CCDC126: variants seen among roughly 807,000 people sequenced by gnomAD.
CCDC126 encodes the protein coiled-coil domain-containing protein 126.
In CCDC126, 5 loss-of-function variants were observed where a neutral mutation model predicts 11.7. The observed-to-expected ratio is 0.43, with a 90% confidence interval of 0.22 to 0.90. The LOEUF is 0.90. CCDC126 is among the 40% of genes least tolerant of loss of function. CCDC126 has a pLI of 0.27. For synonymous variants in CCDC126, 60 were observed against 61.9 expected, an observed-to-expected ratio of 0.97 and a Z score of 0.14; for missense variants, 150 against 163.1, an observed-to-expected ratio of 0.92 and a Z score of 0.44.
intron 3 of CCDC126, among the ~76,000 whole-genome samples, chr7:23,618,904 C>T (rs183977817): frequency 6.6e-5 from 10 of 152,122 alleles, no homozygotes; most frequent in South Asian, 2.1e-4. Context: ...TTGAGATGAT[C>T]TCTAATATCA....
At chr7:23,598,227 G>A (rs1157509249) in intron 2 of CCDC126, 176 bp downstream of exon 2, 1 of 152,200 alleles carries the variant, frequency 6.6e-6, no homozygotes, top group African/African-American at 2.4e-5. Flanking sequence ...ACACCTGTAA[G>A]TGGTTAGAAT....
At chr7:23,611,711 A>G (rs988370514) in intron 3 of CCDC126, among the ~76,000 whole-genome samples, 158 bp downstream of exon 3, 1 of 152,252 alleles carries the variant, frequency 6.6e-6, no homozygotes, top group African/African-American at 2.4e-5. Context: ...TAGAGATACT[A>G]TGATAAATAC....
At chr7:23,641,603 G>T (rs1207918053) in intron 3 of CCDC126, among the ~76,000 whole-genome samples, 5 of 152,104 alleles carry the variant, frequency 3.3e-5, no homozygotes, top group Non-Finnish European at 7.4e-5. Context: ...TTTCTCTCCT[G>T]GTGATCCCGG....
intron 3 of CCDC126, 101 bp downstream of exon 3, chr7:23,611,654 AT>A (rs893689777): frequency 1.3e-6 from 1 of 779,294 alleles, no homozygotes; most frequent in African/African-American, 1.7e-5. Context: ...TTGCAAAGTA[AT>A]TTTTTCTTGA....
rs1783428054 is a variant in CCDC126, at chr7:23,644,633, C to G, written c.*1518C>G. ...TAGAAGTTTGGAATAATTGTTTAGT[C>G]TCTCCTATTAGATGTGGACATTTTT... On this transcript the variant is annotated 3_prime_UTR_variant, in exon 4 of 4. Coordinates refer to ENST00000307471, the MANE Select transcript of CCDC126 (RefSeq NM_138771.4). The G allele has an allele frequency of 1.3e-5, 2 of 152,446 alleles. No homozygotes were observed. The highest frequency in any genetic ancestry group is 4.8e-5 in the African/African-American group (2 of 41,418). The allele number at this position is 152,446 out of a possible 1,614,324, so 9.4% of individuals were successfully genotyped here.
rs532349114 is a variant in CCDC126 at position 23,643,244 on chromosome 7, T to C, written c.*129T>C. 1.2e-6 allele frequency: 1 copy of C among 808,288 alleles called. No individual in the cohort carries two copies. The highest frequency in any genetic ancestry group is 3.2e-5 in the Admixed American group (1 of 31,380). 50.1% of individuals were successfully genotyped at this position (808,288 alleles called of 1,614,324 possible). A position where few individuals can be genotyped will look rare whatever the true frequency, so the allele number is the denominator to read the frequency against. ...AAGCTCTACACATTTTCAAGGAGTATGCTGGATTCATGGAACTCTAATTCT... is the reference window on the plus strand; with the variant it reads ...AAGCTCTACACATTTTCAAGGAGTACGCTGGATTCATGGAACTCTAATTCT... On this transcript the variant is annotated 3_prime_UTR_variant, in exon 4 of 4. Transcript: ENST00000307471.
At chr7:23,608,461 GA>G (rs766771002) in intron 2 of CCDC126, among the ~76,000 whole-genome samples, 11 of 152,112 alleles carry the variant, frequency 7.2e-5, no homozygotes, top group Non-Finnish European at 1.5e-4. Flanking sequence ...AAAACACTAT[GA>G]TTTTTTTTGT....
chr7:23,621,554 A>T (rs1474683925), intron 3 of CCDC126, among the ~76,000 whole-genome samples: 1 of 152,110 alleles, frequency 6.6e-6, no homozygotes, highest in Non-Finnish European at 1.5e-5. Flanking sequence ...CTCTTTTCCT[A>T]ATTGAATACT....
At chr7:23,621,949 T>G (rs1782909536) in intron 3 of CCDC126, among the ~76,000 whole-genome samples, 1 of 152,238 alleles carries the variant, frequency 6.6e-6, no homozygotes, top group Non-Finnish European at 1.5e-5. Context: ...TCAAGGTGGA[T>G]AAGCTTTTTG....
At chr7:23,637,132 T>A (rs1385099585) in intron 3 of CCDC126, among the ~76,000 whole-genome samples, 1 of 65,982 alleles carries the variant, frequency 1.5e-5, no homozygotes, top group African/African-American at 6.6e-5. Context: ...GAGGGGCGCC[T>A]CTGCCCGGCC....
chr7:23,611,086 A>G lies in CCDC126; in HGVS notation c.-145-85A>G, dbSNP rs548908467. 3.1e-5 allele frequency: 10 copies of G among 323,526 alleles called. No individual in the cohort carries two copies. In the East Asian group the frequency reaches 3.8e-4, roughly 12 times the overall value. 20.0% of individuals were successfully genotyped at this position (323,526 alleles called of 1,614,324 possible). On this transcript the variant is annotated intron_variant, in intron 2 of 3. Coordinates refer to ENST00000307471, the MANE Select transcript of CCDC126 (RefSeq NM_138771.4). ...AATATATGACACAGTTCCAAATAAA[A>G]ATTATAGAATATTTTCTTTATAGTC...
rs183294313 is a variant in CCDC126, at chr7:23,626,352, C to T, written c.238+14799C>T. On this transcript the variant is annotated intron_variant, in intron 3 of 3. Coordinates refer to ENST00000307471, the MANE Select transcript of CCDC126 (RefSeq NM_138771.4). ...TACAATAACTTAAACATTTAGCCAT[C>T]TATAGAAACCATTTATCCATAGCCT... Among the ~76,000 whole-genome samples, 3 of 152,214 alleles carry T rather than the reference C, an allele frequency of 2.0e-5. No homozygotes were observed. In the East Asian group the frequency reaches 5.8e-4, roughly 29 times the overall value.
intron 3 of CCDC126, among the ~76,000 whole-genome samples, chr7:23,634,754 G>GTGGGGTCTC (rs985885572): frequency 1.3e-5 from 2 of 152,128 alleles, no homozygotes; most frequent in African/African-American, 4.8e-5. Context: ...TCTTCTTCAG[G>GTGGGGTCTC]TGGGGTCTCT....
rs745731281 is a variant in CCDC126, at chr7:23,643,091, G to A, written c.399G>A (p.Thr133=). The change falls in exon 4 of 4, where the codon ACG becomes ACA. Residue 133 remains threonine (T), a synonymous_variant. Transcript: ENST00000307471. The part of the protein sequence containing the change: ...NLVPVTTNKR[T]NVSGSIR Reference sequence around the variant, plus strand: ...TGCCAGTAACCACAAATAAAAGAACGAATGTCTCGGGCAGTATCAGATAGC... The same window carrying A: ...TGCCAGTAACCACAAATAAAAGAACAAATGTCTCGGGCAGTATCAGATAGC... 24 of 1,613,910 alleles carry A rather than the reference G, an allele frequency of 1.5e-5. No homozygotes were observed. Among genetic ancestry groups the A allele is most frequent in the Admixed American group, 6.7e-5 (4 of 59,964 alleles).
At chr7:23,597,866 TGGCTGGGGCTGCGCGAGTCGAGCGG>T (rs1187768751) in intron 1 of CCDC126, 76 bp from the exon 2 acceptor site, 1 of 151,126 alleles carries the variant, frequency 6.6e-6, no homozygotes, top group Non-Finnish European at 1.5e-5. Flanking sequence ...GAGCCGAGCG[TGGCTGGGGCTGCGCGAGTCGAGCGG>T]GGCGGGCTTG....
intron 3 of CCDC126, among the ~76,000 whole-genome samples, chr7:23,630,447 G>A (rs150431841): frequency 0.018 from 2,744 of 151,930 alleles, 98 homozygotes; most frequent in African/African-American, 0.063. Flanking sequence ...GCAGTGAGCC[G>A]AGATTGTGCC....
rs1353731449 is a variant in CCDC126, at chr7:23,642,239, C to G, written c.239-692C>G. Among the ~76,000 whole-genome samples the G allele has an allele frequency of 6.6e-5, 10 of 152,162 alleles. No individual in the cohort carries two copies. The South Asian group carries it at 1.0e-3, about 16-fold the overall frequency. ...GTGTTAGACAGGATGGTCTCAATCT[C>G]CTGACCTCGTGATCCCGCCCGCCTC... On this transcript the variant is annotated intron_variant, in intron 3 of 3. Transcript: ENST00000307471.
chr7:23,631,323 G>C (rs1783108845), intron 3 of CCDC126, among the ~76,000 whole-genome samples: 1 of 152,158 alleles, frequency 6.6e-6, no homozygotes, highest in Non-Finnish European at 1.5e-5. Context: ...TATCAGGGCA[G>C]ACCCTGCAGA....
chr7:23,607,750 T>C (rs1782644642), intron 2 of CCDC126, among the ~76,000 whole-genome samples: 1 of 152,184 alleles, frequency 6.6e-6, no homozygotes, highest in Admixed American at 6.5e-5. Context: ...TAGCCTACCC[T>C]GGGGGTAACG....
Sources: allele counts gnomAD v4.1 joint callset (sites outside exome capture counted in the v4.1 genomes callset), GRCh38; gene constraint gnomAD v4.1.1; transcripts MANE v1.5; gene names NCBI Gene and HGNC (gene_info 2026-07-23, HGNC 2026-07-21).